Variants in SUGCT observed in about 807,000 individuals in gnomAD.
SUGCT encodes the protein succinyl-CoA:glutarate CoA-transferase.
Under a neutral mutation model 55.0 loss-of-function variants are expected in SUGCT, and 41 were observed. The ratio of observed to expected loss-of-function variants is 0.74; its 90% confidence interval spans 0.58 to 0.97. The LOEUF (loss-of-function observed/expected upper bound fraction) is 0.97, where lower values mean the gene tolerates loss of function less well. Among genes scored for constraint, SUGCT ranks in the 50% least tolerant of loss-of-function variants. SUGCT has a pLI of 0.00. For missense variants in SUGCT, 568 were observed against 547.8 expected (o/e 1.04, Z -0.37); for synonymous variants, 187 against 200.4 (o/e 0.93, Z 0.56).
intron 12 of SUGCT, among the ~76,000 whole-genome samples, chr7:40,701,376 C>G (rs1416274076): frequency 6.6e-6 from 1 of 152,236 alleles, no homozygotes. Flanking sequence ...TGTTCAGAGG[C>G]CCTGTGGGCG....
At chr7:40,555,104 A>T (rs1200030053) in intron 12 of SUGCT, among the ~76,000 whole-genome samples, 1 of 152,194 alleles carries the variant, frequency 6.6e-6, no homozygotes, top group Non-Finnish European at 1.5e-5. Context: ...TCAAAGTAGT[A>T]CGGCCTGCCC....
At position 40,257,653 on chromosome 7, in the gene SUGCT, A is replaced by G. The variant is rs1208540239; in HGVS notation, c.577-16860A>G. ...CACTTTGGGAGGCTGAGGCTGGCGG[A>G]TCACCTGAGGCCAGGAGTTCAAGAC... is the stretch of plus-strand genomic sequence containing the variant. On this transcript the variant is annotated intron_variant, in intron 7 of 13. Transcript: ENST00000335693. 3.9e-5 allele frequency among the ~76,000 whole-genome samples: 6 copies of G among 152,288 alleles called. No homozygotes were observed. In the East Asian group the frequency reaches 1.2e-3, roughly 29 times the overall value.
At chr7:40,698,907 T>C (rs1785056017) in intron 12 of SUGCT, among the ~76,000 whole-genome samples, 1 of 152,174 alleles carries the variant, frequency 6.6e-6, no homozygotes, top group South Asian at 2.1e-4. Context: ...TCCAAGACTT[T>C]CGGGCTATAC....
At chr7:40,472,062 A>G (rs1790428966) in intron 11 of SUGCT, among the ~76,000 whole-genome samples, 1 of 152,116 alleles carries the variant, frequency 6.6e-6, no homozygotes, top group Admixed American at 6.5e-5. Context: ...AGTGTTGCGT[A>G]AGACATAGTA....
Position 40,189,569 on chromosome 7 carries a change from C to A in SUGCT, c.338C>A (p.Pro113Gln). The A allele has an allele frequency of 1.4e-6, 2 of 1,388,758 alleles. No homozygotes were observed. Among genetic ancestry groups the A allele is most frequent in the East Asian group, 2.8e-5 (1 of 36,016 alleles). The allele number at this position is 1,388,758 out of a possible 1,614,324, so 86.0% of individuals were successfully genotyped here. The change falls in exon 5 of 14, where the codon CCA becomes CAA. Residue 113 changes from proline (P) to glutamine (Q), a missense_variant. Coordinates refer to ENST00000335693, the MANE Select transcript of SUGCT (RefSeq NM_001193313.2). The part of the protein sequence containing the change: ...KKSIAVNIKD[P>Q]KGVKIIKELA... ...AGTATTGCTGTTAATATCAAGGATC[C>A]AAAAGGGGTGAAAATCATCAAAGAG...
At chr7:40,432,967 A>G (rs1787982329) in intron 9 of SUGCT, among the ~76,000 whole-genome samples, 1 of 151,758 alleles carries the variant, frequency 6.6e-6, no homozygotes. Flanking sequence ...GTATTCTGTA[A>G]GTCCCTAGGC....
chr7:40,139,695 T>TC (rs1428080686), intron 1 of SUGCT, among the ~76,000 whole-genome samples: 19 of 152,206 alleles, frequency 1.2e-4, no homozygotes, highest in Admixed American at 2.0e-4. Flanking sequence ...GTTCACTCTG[T>TC]TGATCATTTC....
chr7:40,491,981 C>T (rs2151510376), intron 11 of SUGCT, among the ~76,000 whole-genome samples: 2 of 143,936 alleles, frequency 1.4e-5, no homozygotes, highest in South Asian at 4.2e-4. Context: ...TAGAGCAAAA[C>T]TCTGTTTCCA....
chr7:40,610,158 G>C (rs1004645830), intron 12 of SUGCT, among the ~76,000 whole-genome samples: 5 of 152,192 alleles, frequency 3.3e-5, no homozygotes, highest in African/African-American at 9.7e-5. Flanking sequence ...GGGCCTAAGG[G>C]AAAGGGCAGC....
At position 40,601,450 on chromosome 7, in the gene SUGCT, T is replaced by C. The variant is rs192244867; in HGVS notation, c.1089+105064T>C. Reference sequence around the variant, plus strand: ...GGATTTCTGAGTGATAAAATAATACTGCTTAGAAACATTTTCTGAAGGTTT... The same window carrying C: ...GGATTTCTGAGTGATAAAATAATACCGCTTAGAAACATTTTCTGAAGGTTT... On this transcript the variant is annotated intron_variant, in intron 12 of 13. Coordinates refer to ENST00000335693, the MANE Select transcript of SUGCT (RefSeq NM_001193313.2). Among the ~76,000 whole-genome samples the C allele has an allele frequency of 4.5e-4, 69 of 152,334 alleles. No individual in the cohort carries two copies. The East Asian group carries it at 0.013, about 28-fold the overall frequency.
the SUGCT span, among the ~76,000 whole-genome samples, chr7:41,006,751 C>T: frequency 3.3e-5 from 5 of 152,178 alleles, no homozygotes; most frequent in Admixed American, 3.3e-4. Flanking sequence ...ACCTGAAAGG[C>T]CTGTTGTAAA....
intron 6 of SUGCT, among the ~76,000 whole-genome samples, chr7:40,222,188 A>T (rs1788057903): frequency 6.6e-6 from 1 of 152,260 alleles, no homozygotes; most frequent in Admixed American, 6.5e-5. Flanking sequence ...TCATCAGTGT[A>T]AAAAAGTCTG....
intron 13 of SUGCT, among the ~76,000 whole-genome samples, chr7:40,847,193 G>A (rs530793212): frequency 6.6e-6 from 1 of 152,248 alleles, no homozygotes; most frequent in South Asian, 2.1e-4. Context: ...AGGCTAGTTT[G>A]TGGTGGGATA....
chr7:40,352,640 T>C (rs1797691826), intron 9 of SUGCT, among the ~76,000 whole-genome samples: 1 of 152,224 alleles, frequency 6.6e-6, no homozygotes, highest in Non-Finnish European at 1.5e-5. Context: ...CATTCTTTTT[T>C]ATGGCTGTGA....
At chr7:40,622,093 A>T (rs1401124662) in intron 12 of SUGCT, among the ~76,000 whole-genome samples, 5 of 152,150 alleles carry the variant, frequency 3.3e-5, no homozygotes, top group African/African-American at 1.2e-4. Flanking sequence ...CACCTGCCTC[A>T]TCCTTCTAGC....
rs368755742 is a variant in SUGCT, at chr7:40,617,735, CT to C, written c.1089+121357del. Reference sequence around the variant, plus strand: ...AACACTGAAAACCAATAACTGCATACTTTTTTTTCCAATGGAGAGCTGTGAC... The same window carrying C: ...AACACTGAAAACCAATAACTGCATACTTTTTTTCCAATGGAGAGCTGTGAC... On this transcript the variant is annotated intron_variant, in intron 12 of 13. Transcript: ENST00000335693. Among the ~76,000 whole-genome samples the C allele has an allele frequency of 6.0e-3, 914 of 152,046 alleles. 11 individuals are homozygous for C. The highest frequency in any genetic ancestry group is 0.02 in the African/African-American group (849 of 41,484).
At chr7:40,946,358 C>A in the SUGCT span, among the ~76,000 whole-genome samples, 6,086 of 152,242 alleles carry the variant, frequency 0.04, 138 homozygotes, top group South Asian at 0.073. Context: ...AGTCCACTCT[C>A]TGGCTCTGCA....
chr7:40,736,221 TATA>T (rs1236731001), intron 12 of SUGCT, among the ~76,000 whole-genome samples: 1 of 130,646 alleles, frequency 7.7e-6, no homozygotes, highest in Non-Finnish European at 1.6e-5. Context: ...TATAATATAT[TATA>T]ATATATCAAT....
the SUGCT span, among the ~76,000 whole-genome samples, chr7:40,892,404 C>T: frequency 1.3e-5 from 2 of 152,098 alleles, no homozygotes; most frequent in African/African-American, 4.8e-5. Flanking sequence ...CTACCATGAA[C>T]ATTTATCAAA....
Sources: gnomAD v4.1 joint callset for allele counts (sites outside exome capture counted in the v4.1 genomes callset) on GRCh38, gnomAD v4.1.1 for gene constraint, MANE v1.5 for transcripts, NCBI Gene and HGNC (gene_info 2026-07-23, HGNC 2026-07-21) for gene names.